The following DCAF7 variants were observed in gnomAD, a reference collection of about 807,000 sequenced individuals.
The protein encoded by DCAF7 is DDB1 and CUL4 associated factor 7, also known as DDB1- and CUL4-associated factor 7.
In DCAF7, 4 loss-of-function variants were observed where a neutral mutation model predicts 41.2. The ratio of observed to expected loss-of-function variants is 0.10; its 90% CI spans 0.05 to 0.22. The LOEUF (loss-of-function observed/expected upper bound fraction) is 0.22, where lower values mean the gene tolerates loss of function less well. Among genes scored for constraint, DCAF7 ranks in the 10% least tolerant of loss-of-function variants. The pLI is 1.00. For synonymous variants in DCAF7, 143 were observed against 164.2 expected (o/e 0.87, Z 0.99); for missense variants, 131 against 443.2 (o/e 0.30, Z 6.32).
intron 1 of DCAF7, among the ~76,000 whole-genome samples, chr17:63,572,649 G>T (rs1025052761): frequency 6.6e-6 from 1 of 152,168 alleles, no homozygotes; most frequent in Non-Finnish European, 1.5e-5. Flanking sequence ...ATGCTCCCTG[G>T]TGTATCCACA....
intron 4 of DCAF7, among the ~76,000 whole-genome samples, chr17:63,582,243 A>G (rs965565863): frequency 6.6e-6 from 1 of 152,184 alleles, no homozygotes; most frequent in Non-Finnish European, 1.5e-5. Context: ...ATAGCCAGAA[A>G]AAAAAGGAAT....
rs1232490343 is a variant in DCAF7 at position 63,590,871 on chromosome 17, T to C, written c.*1699T>C. On this transcript the variant is annotated 3_prime_UTR_variant, in exon 7 of 7. Transcript: ENST00000614556. ...CTTCCTTTTCAGAAGTAGATGTCAT[T>C]ATATGCCAAAAGTCTAGCTCTTTGC... 1 of 152,232 alleles carries C rather than the reference T, an allele frequency of 6.6e-6. No individual in the cohort carries two copies. The highest frequency in any genetic ancestry group is 1.5e-5 in the Non-Finnish European group (1 of 68,044). The allele number at this position is 152,232 out of a possible 1,614,324, so 9.4% of individuals were successfully genotyped here. A position where few individuals can be genotyped will look rare whatever the true frequency, so the allele number is the denominator to read the frequency against.
At chr17:63,572,924 G>A (rs558872612) in intron 1 of DCAF7, among the ~76,000 whole-genome samples, 52 of 152,074 alleles carry the variant, frequency 3.4e-4, no homozygotes, top group African/African-American at 1.2e-3. Flanking sequence ...TACCACACCC[G>A]GCTAATTTTT....
At chr17:63,581,151 A>C (rs2033618592) in intron 4 of DCAF7, among the ~76,000 whole-genome samples, 1 of 152,168 alleles carries the variant, frequency 6.6e-6, no homozygotes, top group Non-Finnish European at 1.5e-5. Flanking sequence ...CTGCTAAACC[A>C]GGGGTCAAAT....
At chr17:63,552,956 C>T (rs937894185) in intron 1 of DCAF7, among the ~76,000 whole-genome samples, 13 of 152,198 alleles carry the variant, frequency 8.5e-5, no homozygotes, top group African/African-American at 3.1e-4. Context: ...AATGCGCTGT[C>T]TTAAAATCAT....
chr17:63,585,368 G>A (rs763676114), intron 6 of DCAF7, 40 bp downstream of exon 6: 6 of 1,541,530 alleles, frequency 3.9e-6, no homozygotes, highest in Non-Finnish European at 5.4e-6. Context: ...GAAGGATGGA[G>A]GAAATCTGTT....
Position 63,589,851 on chromosome 17 carries a change from A to AGTC in DCAF7, c.*679_*680insGTC, listed in dbSNP as rs1311884295. ...AGTACATACCTGACCGGGAGTCCAA[A>AGTC]CCACCTTGGTGCTCTGAAGTCCACT... On this transcript the variant is annotated 3_prime_UTR_variant, in exon 7 of 7. Transcript: ENST00000614556. The AGTC allele has an allele frequency of 6.5e-6, 1 of 153,602 alleles. No homozygotes were observed. The highest frequency in any genetic ancestry group is 2.4e-5 in the African/African-American group (1 of 41,416). The allele number at this position is 153,602 out of a possible 1,614,324, so 9.5% of individuals were successfully genotyped here. A position where few individuals can be genotyped will look rare whatever the true frequency, so the allele number is the denominator to read the frequency against.
chr17:63,564,014 TA>T (rs745993214), intron 1 of DCAF7, among the ~76,000 whole-genome samples: 1 of 152,124 alleles, frequency 6.6e-6, no homozygotes, highest in African/African-American at 2.4e-5. Flanking sequence ...TTCATTTTTC[TA>T]AAAGTTGAGG....
chr17:63,579,759 C>T (rs1467090481), intron 3 of DCAF7, 66 bp from the exon 4 acceptor site: 3 of 1,375,340 alleles, frequency 2.2e-6, no homozygotes, highest in Non-Finnish European at 2.1e-6. Flanking sequence ...GATGAGTAAA[C>T]ACAAGAGGGA....
At chr17:63,575,036 G>A (rs2033546616) in intron 1 of DCAF7, among the ~76,000 whole-genome samples, 1 of 152,090 alleles carries the variant, frequency 6.6e-6, no homozygotes, top group African/African-American at 2.4e-5. Flanking sequence ...AAGTTAATGG[G>A]CCAGGCGCAG....
At chr17:63,571,051 T>C (rs2033501497) in intron 1 of DCAF7, among the ~76,000 whole-genome samples, 1 of 152,096 alleles carries the variant, frequency 6.6e-6, no homozygotes, top group Non-Finnish European at 1.5e-5. Context: ...CCAGGTGCGA[T>C]GGCGGGTGCC....
chr17:63,579,785 C>G lies in DCAF7; in HGVS notation c.410-40C>G, dbSNP rs2033600460. On this transcript the variant is annotated intron_variant, in intron 3 of 6. Transcript: ENST00000614556. ...ACAAGAGGGAAGCTTGCATGAGAAC[C>G]TTGGTCCCGTCAGCCCTGACTTGCA... 3 of 1,537,940 alleles carry G rather than the reference C, an allele frequency of 2.0e-6. No homozygotes were observed. In the African/African-American group the frequency reaches 4.1e-5, roughly 21 times the overall value.
At chr17:63,560,970 C>G (rs2033373138) in intron 1 of DCAF7, among the ~76,000 whole-genome samples, 1 of 152,184 alleles carries the variant, frequency 6.6e-6, no homozygotes, top group South Asian at 2.1e-4. Context: ...ATGGCTCACA[C>G]CTGTAATCCC....
At chr17:63,565,575 A>T (rs182061228) in intron 1 of DCAF7, among the ~76,000 whole-genome samples, 361 of 152,182 alleles carry the variant, frequency 2.4e-3, no homozygotes, top group African/African-American at 8.4e-3. Flanking sequence ...TCAAAAAAAT[A>T]ATAAATAATA....
chr17:63,575,629 A>G (rs1291035257), intron 1 of DCAF7, among the ~76,000 whole-genome samples: 1 of 152,222 alleles, frequency 6.6e-6, no homozygotes, highest in East Asian at 1.9e-4. Flanking sequence ...CAGAGGTTGC[A>G]GTGAGCCAAG....
chr17:63,584,942 G>C (rs186344156), intron 5 of DCAF7, among the ~76,000 whole-genome samples: 2 of 152,084 alleles, frequency 1.3e-5, no homozygotes, highest in Non-Finnish European at 2.9e-5. Flanking sequence ...ACATGCACCT[G>C]CTGGGACCCA....
intron 1 of DCAF7, among the ~76,000 whole-genome samples, chr17:63,559,371 A>G (rs1402834483): frequency 1.2e-3 from 92 of 79,732 alleles, no homozygotes; most frequent in African/African-American, 5.6e-3. Context: ...ATGTATATAT[A>G]TATGTGTATA....
chr17:63,579,548 G>T (rs1386343857), intron 3 of DCAF7, 100 bp downstream of exon 3: 2 of 878,172 alleles, frequency 2.3e-6, no homozygotes, highest in African/African-American at 1.7e-5. Context: ...GGCTCAGTGG[G>T]AAGTAGGCTA....
chr17:63,560,990 C>T (rs1367672224), intron 1 of DCAF7, among the ~76,000 whole-genome samples: 1 of 152,194 alleles, frequency 6.6e-6, no homozygotes, highest in Non-Finnish European at 1.5e-5. Flanking sequence ...CCACTACAGG[C>T]TGGGTGCAGT....
Sources: gnomAD v4.1 joint callset for allele counts (sites outside exome capture counted in the v4.1 genomes callset) on GRCh38, gnomAD v4.1.1 for gene constraint, MANE v1.5 for transcripts, NCBI Gene and HGNC (gene_info 2026-07-23, HGNC 2026-07-21) for gene names.